BRME1: variants seen among roughly 807,000 people sequenced by gnomAD.
BRME1 encodes BRCA2 and MEILB2-associating protein 1.
In BRME1, 31 loss-of-function variants were observed where a neutral mutation model predicts 52.6. That is an observed-to-expected ratio of 0.59 (90% CI 0.44 to 0.80). The LOEUF (loss-of-function observed/expected upper bound fraction) is 0.80, where lower values mean the gene tolerates loss of function less well. BRME1 is among the 30% of genes least tolerant of loss of function. The probability of loss-of-function intolerance (pLI) is 0.00; values close to 1 mark genes in which losing one functional copy is unlikely to be tolerated. For missense variants in BRME1, 804 were observed against 860.3 expected, an observed-to-expected ratio of 0.93 and a Z score of 0.82; for synonymous variants, 359 against 353.6, an observed-to-expected ratio of 1.02 and a Z score of -0.17.
At chr19:13,899,930 C>T (rs183890880) in intron 2 of BRME1, among the ~76,000 whole-genome samples, 154 of 152,144 alleles carry the variant, frequency 1.0e-3, no homozygotes, top group African/African-American at 3.4e-3. Context: ...TGAACCCAGG[C>T]GGCGGAGGTT....
chr19:13,895,789 T>C (rs1052084195), intron 2 of BRME1, among the ~76,000 whole-genome samples: 5 of 152,140 alleles, frequency 3.3e-5, no homozygotes, highest in African/African-American at 1.2e-4. Flanking sequence ...TTATGTACCA[T>C]TCTAATGTGC....
chr19:13,889,041 A>G lies in BRME1; in HGVS notation c.1668+147T>C, dbSNP rs562110758. On this transcript the variant is annotated intron_variant, in intron 6 of 8. Transcript: ENST00000586783. ...CGACTCCACACCCAGTAGAGCTGCA[A>G]CTCGGACTCCTATAGTCGTTGGCTG... 1.1e-5 allele frequency: 8 copies of G among 711,228 alleles called. No homozygotes were observed. The South Asian group carries it at 1.5e-4, about 13-fold the overall frequency. The allele number at this position is 711,228 out of a possible 1,614,324, so 44.1% of individuals were successfully genotyped here.
In BRME1 at chr19:13,883,356, T is replaced by A; in HGVS notation, c.1808A>T (p.Asp603Val). Reference protein sequence around the residue: ...IQASEASRMEDATNVVRGLIV... With the variant: ...IQASEASRMEVATNVVRGLIV... ...GAGGCCACGCACGACGTTGGTGGCA[T>A]CCTCCATCCTGGAGGCCTCAGAGGC... The change falls in exon 8 of 9, where the codon GAT becomes GTT. Residue 603 changes from aspartate to valine, a missense_variant. Asp to Val is a radical substitution (Grantham distance 152). This residue lies in a region of BRME1 where 552 missense variants were observed against 561.1 expected (regional missense o/e 0.98). Coordinates refer to ENST00000586783, the MANE Select transcript of BRME1 (RefSeq NM_001345843.2). The surrounding 1 kb of genome is among the most constrained non-coding windows in gnomAD (Gnocchi z 4.2). 3 of 1,535,418 alleles carry A rather than the reference T, an allele frequency of 2.0e-6. No homozygotes were observed. The highest frequency in any genetic ancestry group is 2.6e-6 in the Non-Finnish European group (3 of 1,146,352).
At chr19:13,904,501 G>T (rs182712865) in intron 2 of BRME1, among the ~76,000 whole-genome samples, 3 of 151,952 alleles carry the variant, frequency 2.0e-5, no homozygotes, top group African/African-American at 7.3e-5. Flanking sequence ...GAGTGCAGTG[G>T]CACCATCTTG....
At position 13,893,166 on chromosome 19, in the gene BRME1, C is replaced by G; in HGVS notation, c.264G>C (p.Glu88Asp). The G allele has an allele frequency of 3.1e-6, 5 of 1,596,134 alleles. No homozygotes were observed. The highest frequency in any genetic ancestry group is 4.3e-6 in the Non-Finnish European group (5 of 1,172,772). ...CCTGGGAAGGAGGAAGGGGAGCTGGCTCCTTTTCTGGTTGACGGAGGAGCC... is the reference window on the plus strand; with the variant it reads ...CCTGGGAAGGAGGAAGGGGAGCTGGGTCCTTTTCTGGTTGACGGAGGAGCC... ...PCRLLRQPEK[E>D]PAPLPPSQNS... Residue 88 changes from glutamate to aspartate, a missense_variant, in exon 4 of 9, where the codon GAG (glutamate) becomes GAC (aspartate). By Grantham distance (45) the Glu-to-Asp change is conservative (BLOSUM62 2). This residue lies in a region of BRME1 where 234 missense variants were observed against 258.1 expected (regional missense o/e 0.91). Coordinates refer to ENST00000586783, the MANE Select transcript of BRME1 (RefSeq NM_001345843.2).
chr19:13,886,757 C>G (rs1307201529), intron 6 of BRME1, among the ~76,000 whole-genome samples: 2 of 144,222 alleles, frequency 1.4e-5, no homozygotes, highest in Non-Finnish European at 3.0e-5. Context: ...GCCAAGAGTT[C>G]CAGACCAGCC....
intron 2 of BRME1, among the ~76,000 whole-genome samples, chr19:13,896,692 A>T (rs1050078490): frequency 2.4e-4 from 36 of 149,294 alleles, no homozygotes; most frequent in African/African-American, 6.6e-4. Context: ...TACTATATAT[A>T]TATTTTTTCT....
chr19:13,887,511 G>C (rs1041111636), intron 6 of BRME1, among the ~76,000 whole-genome samples: 28 of 152,172 alleles, frequency 1.8e-4, no homozygotes, highest in Non-Finnish European at 4.0e-4. Flanking sequence ...GTTTAGGAGG[G>C]CTAGGGGCTT....
intron 3 of BRME1, among the ~76,000 whole-genome samples, chr19:13,893,627 G>A (rs1311250716): frequency 1.3e-5 from 2 of 152,244 alleles, no homozygotes; most frequent in African/African-American, 4.8e-5. Flanking sequence ...GGAAACCAGT[G>A]CTAAGAGTCT....
chr19:13,893,022 T>G (rs1362921200), intron 4 of BRME1, 120 bp downstream of exon 4: 2 of 1,344,818 alleles, frequency 1.5e-6, no homozygotes, highest in Non-Finnish European at 2.1e-6. Context: ...CTGGGCACAT[T>G]CCCTCCAGCC....
intron 2 of BRME1, among the ~76,000 whole-genome samples, chr19:13,900,190 G>C (rs1055003205): frequency 6.6e-6 from 1 of 152,038 alleles, no homozygotes; most frequent in African/African-American, 2.4e-5. Context: ...TGTCCACATG[G>C]GACTAATTTA....
In BRME1 at chr19:13,882,837, T is replaced by C. The variant is rs1968727421; in HGVS notation, c.1972A>G (p.Ile658Val). Residue 658 changes from isoleucine (I) to valine (V), a missense_variant, in exon 9 of 9, where the codon ATC becomes GTC. Physicochemically the swap from Ile to Val is conservative, Grantham distance 29. Transcript: ENST00000586783. Reference protein sequence around the residue: ...LPYPSKGPGNIPRGDPPWREL With the variant: ...LPYPSKGPGNVPRGDPPWREL ...CTCCAGGGTGGGTCCCCTCGAGGGA[T>C]ATTCCCAGGCCCCTTGGAAGGGTAA... 5 of 1,613,682 alleles carry C rather than the reference T, an allele frequency of 3.1e-6. No individual in the cohort carries two copies. The highest frequency in any genetic ancestry group is 1.7e-5 in the Admixed American group (1 of 59,930).
intron 6 of BRME1, among the ~76,000 whole-genome samples, 155 bp from the exon 7 acceptor site, chr19:13,886,210 C>T (rs1043550522): frequency 1.3e-5 from 2 of 152,216 alleles, no homozygotes; most frequent in Non-Finnish European, 2.9e-5. Context: ...AGAGCGGTAA[C>T]GGGGAGGAAA....
chr19:13,886,071 A>G lies in BRME1; in HGVS notation c.1669-16T>C. On this transcript the variant is annotated splice_polypyrimidine_tract_variant and intron_variant, in intron 6 of 8. Coordinates refer to ENST00000586783, the MANE Select transcript of BRME1 (RefSeq NM_001345843.2). ...AAGGAAAGAGCTGGAAAGAGAGCAC[A>G]AGGTGTGAGTGGTCGAGGCCTGGGT... 6.2e-7 allele frequency: 1 copy of G among 1,612,206 alleles called. No individual in the cohort carries two copies. The highest frequency in any genetic ancestry group is 1.7e-5 in the Admixed American group (1 of 59,998).
chr19:13,883,022 C>A lies in BRME1; in HGVS notation c.1857-70G>T. Reference sequence around the variant, plus strand: ...AGGTGACAGAGGGGGCCGCGCCTCACAGCCACATGGTCACCAATGACTCAG... The same window carrying A: ...AGGTGACAGAGGGGGCCGCGCCTCAAAGCCACATGGTCACCAATGACTCAG... On this transcript the variant is annotated intron_variant, in intron 8 of 8. Transcript: ENST00000586783. This position sits in a 1 kb window ranked among gnomAD's most constrained non-coding sequence, Gnocchi z 4.2. 6.4e-7 allele frequency: 1 copy of A among 1,553,050 alleles called. No homozygotes were observed. Among genetic ancestry groups the A allele is most frequent in the Non-Finnish European group, 8.7e-7 (1 of 1,147,798 alleles).
At chr19:13,887,749 A>C in intron 6 of BRME1, among the ~76,000 whole-genome samples, 1 of 148,036 alleles carries the variant, frequency 6.8e-6, no homozygotes, top group African/African-American at 2.5e-5. Flanking sequence ...AGCCTCTACC[A>C]CTGAACCACA....
chr19:13,893,077 CAG>C, intron 4 of BRME1, 63 bp downstream of exon 4: 2 of 1,483,780 alleles, frequency 1.3e-6, no homozygotes, highest in Middle Eastern at 3.5e-4. Flanking sequence ...AAGGGAGACA[CAG>C]AGCCGGAACT....
At chr19:13,897,288 C>T (rs1328407910) in intron 2 of BRME1, among the ~76,000 whole-genome samples, 6 of 152,090 alleles carry the variant, frequency 3.9e-5, no homozygotes, top group African/African-American at 1.4e-4. Flanking sequence ...CCGCCCGCCT[C>T]GGCCTCCCAA....
intron 3 of BRME1, 75 bp downstream of exon 3, chr19:13,895,297 A>G (rs1969797116): frequency 6.8e-7 from 1 of 1,476,848 alleles, no homozygotes. Flanking sequence ...TTCCCAAAGC[A>G]TTGCTGTCTG....
Sources: allele counts gnomAD v4.1 joint callset (sites outside exome capture counted in the v4.1 genomes callset), GRCh38; gene constraint gnomAD v4.1.1; regional missense constraint gnomAD v4.1.1; non-coding constraint Gnocchi (gnomAD v3.1); transcripts MANE v1.5; gene names NCBI Gene and HGNC (gene_info 2026-07-23, HGNC 2026-07-21).